The following SELP variants were observed in gnomAD, a reference collection of about 807,000 sequenced individuals.
SELP encodes P-selectin.
Under a neutral mutation model 104.1 loss-of-function variants are expected in SELP, and 92 were observed. The ratio of observed to expected loss-of-function variants is 0.88; its 90% CI spans 0.75 to 1.05. The LOEUF (loss-of-function observed/expected upper bound fraction) is 1.05. Among genes scored for constraint, SELP ranks in the 50% least tolerant of loss-of-function variants. The probability of loss-of-function intolerance (pLI) is 0.00; values close to 1 mark genes in which losing one functional copy is unlikely to be tolerated. For synonymous variants in SELP, 397 were observed against 364.5 expected, an observed-to-expected ratio of 1.09 and a Z score of -1.01; for missense variants, 1,022 against 1,017.3, an observed-to-expected ratio of 1.00 and a Z score of -0.06.
chr1:169,609,417 A>C, intron 8 of SELP, 87 bp downstream of exon 8: 1 of 1,310,438 alleles, frequency 7.6e-7, no homozygotes, highest in Non-Finnish European at 1.1e-6. Flanking sequence ...AATATCTGAT[A>C]AAGAAAGGCA....
At chr1:169,615,748 A>C (rs1662776801) in intron 3 of SELP, among the ~76,000 whole-genome samples, 1 of 152,198 alleles carries the variant, frequency 6.6e-6, no homozygotes, top group Admixed American at 6.5e-5. Flanking sequence ...TGATTATATG[A>C]TAATGCATTC....
At chr1:169,617,488 T>G in intron 2 of SELP, 74 bp from the exon 3 acceptor site, 1 of 1,410,980 alleles carries the variant, frequency 7.1e-7, no homozygotes, top group Admixed American at 2.1e-5. Flanking sequence ...AGTATGCTTC[T>G]GCATACTCAG....
chr1:169,611,374 A>T, intron 7 of SELP, 118 bp downstream of exon 7: 1 of 969,682 alleles, frequency 1.0e-6, no homozygotes. Context: ...GAGGTTGAAG[A>T]GCTTGCTCTA....
At chr1:169,610,112 A>G in intron 7 of SELP, among the ~76,000 whole-genome samples, 1 of 152,078 alleles carries the variant, frequency 6.6e-6, no homozygotes, top group Non-Finnish European at 1.5e-5. Flanking sequence ...AGTGCTCATT[A>G]AATATTGACA....
chr1:169,612,189 T>C, intron 6 of SELP, 28 bp downstream of exon 6: 1 of 1,609,580 alleles, frequency 6.2e-7, no homozygotes, highest in Non-Finnish European at 8.5e-7. Flanking sequence ...GCAATGGACA[T>C]TATACATCCC....
intron 1 of SELP, among the ~76,000 whole-genome samples, chr1:169,622,710 G>C (rs1271135775): frequency 2.0e-5 from 3 of 152,108 alleles, no homozygotes; most frequent in Admixed American, 6.5e-5. Flanking sequence ...ACTTACAGTT[G>C]TAGAAAATTG....
intron 9 of SELP, among the ~76,000 whole-genome samples, chr1:169,605,057 C>T (rs886078669): frequency 6.6e-6 from 1 of 152,152 alleles, no homozygotes; most frequent in African/African-American, 2.4e-5. Flanking sequence ...CACAGGAAGC[C>T]GTGGTGAGTG....
chr1:169,618,764 A>G (rs1046076734), intron 2 of SELP, among the ~76,000 whole-genome samples: 2 of 152,240 alleles, frequency 1.3e-5, no homozygotes, highest in Non-Finnish European at 2.9e-5. Flanking sequence ...CATATTAAAA[A>G]TTCTATTTTG....
chr1:169,594,920 G>T, intron 12 of SELP, 43 bp from the exon 13 acceptor site: 1 of 1,552,876 alleles, frequency 6.4e-7, no homozygotes, highest in Non-Finnish European at 8.8e-7. Context: ...ATGTGGATTG[G>T]AGGTGAAAGA....
At chr1:169,598,608 T>C (rs1222684574) in intron 10 of SELP, among the ~76,000 whole-genome samples, 1 of 152,200 alleles carries the variant, frequency 6.6e-6, no homozygotes. Context: ...TTGAAACATG[T>C]CTACTGGTGT....
At position 169,617,203 on chromosome 1, in the gene SELP, T is replaced by G; in HGVS notation, c.306A>C (p.Thr102=). Residue 102 remains threonine (T), a synonymous_variant, in exon 3 of 17, where the codon ACA becomes ACC. Transcript: ENST00000263686. ...TGAGAGCCTTTTTGGTTCCCACCCA[T>G]GTCCATGTCTTATTGTTCTTTCGGA... ...IGIRKNNKTW[T]WVGTKKALTN... is the part of the protein sequence containing the mutation. 6.2e-7 allele frequency: 1 copy of G among 1,614,234 alleles called. No homozygotes were observed. Among genetic ancestry groups the G allele is most frequent in the Middle Eastern group, 1.6e-4 (1 of 6,062 alleles).
Position 169,602,265 on chromosome 1 carries a change from T to A in SELP, c.1705+761A>T, listed in dbSNP as rs3917772. Among the ~76,000 whole-genome samples, 298 of 152,270 alleles carry A rather than the reference T, an allele frequency of 2.0e-3. 1 individual carries two copies. Among genetic ancestry groups the A allele is most frequent in the African/African-American group, 6.9e-3 (288 of 41,556 alleles). ...GCCTTCAAGAAGCTTATATTCAATATAGAAGTGGAGAGAGGAGGGAAGTGC... is the reference window on the plus strand; with the variant it reads ...GCCTTCAAGAAGCTTATATTCAATAAAGAAGTGGAGAGAGGAGGGAAGTGC... On this transcript the variant is annotated intron_variant, in intron 10 of 16. Transcript: ENST00000263686.
intron 12 of SELP, 60 bp downstream of exon 12, chr1:169,595,865 G>A (rs1661577216): frequency 6.7e-7 from 1 of 1,486,468 alleles, no homozygotes; most frequent in Non-Finnish European, 9.4e-7. Flanking sequence ...CAGGCACAAT[G>A]GCTAGCTTGA....
chr1:169,612,840 T>G lies in SELP; in HGVS notation c.775+89A>C, dbSNP rs537125866. 1.5e-4 allele frequency: 170 copies of G among 1,134,650 alleles called. 1 individual carries two copies. In the African/African-American group the frequency reaches 2.1e-3, roughly 14 times the overall value. 70.3% of individuals were successfully genotyped at this position (1,134,650 alleles called of 1,614,324 possible). ...ATCTAACCTAGATGGTCATTATTTC[T>G]CACATTTTTTAATGGAGAAAGCTCA... On this transcript the variant is annotated intron_variant, in intron 5 of 16. Transcript: ENST00000263686.
chr1:169,606,295 C>T (rs3917755), intron 9 of SELP, among the ~76,000 whole-genome samples: 2,070 of 152,220 alleles, frequency 0.014, 43 homozygotes, highest in African/African-American at 0.042. Flanking sequence ...CCAGCCTGGG[C>T]GACAGAGTGA....
chr1:169,619,202 G>A lies in SELP; in HGVS notation c.21C>T (p.Ala7=). ...CTCTCTGGAATCTCTGGTACAAGAT[G>A]GCTATTTGGCAGTTGGCCTGAAACA... The part of the protein sequence containing the change: MANCQI[A]ILYQRFQRVV... The change falls in exon 2 of 17, where the codon GCC becomes GCT. Residue 7 remains alanine, a synonymous_variant. Transcript: ENST00000263686. The A allele has an allele frequency of 6.2e-7, 1 of 1,613,942 alleles. No homozygotes were observed. Among genetic ancestry groups the A allele is most frequent in the South Asian group, 1.1e-5 (1 of 91,066 alleles).
chr1:169,624,754 A>G (rs1169822453), intron 1 of SELP, among the ~76,000 whole-genome samples: 5 of 152,162 alleles, frequency 3.3e-5, no homozygotes, highest in African/African-American at 4.8e-5. Flanking sequence ...CAAAACAAAC[A>G]AACAAGCAAA....
intron 12 of SELP, among the ~76,000 whole-genome samples, 184 bp from the exon 13 acceptor site, chr1:169,595,061 G>A (rs904266604): frequency 2.0e-5 from 3 of 152,116 alleles, no homozygotes; most frequent in Admixed American, 6.5e-5. Context: ...ATATTCTCTC[G>A]AAGGGTGATA....
Position 169,597,045 on chromosome 1 carries a change from T to C in SELP, c.1837A>G (p.Asn613Asp). The C allele has an allele frequency of 5.0e-6, 8 of 1,613,422 alleles. No homozygotes were observed. Among genetic ancestry groups the C allele is most frequent in the Non-Finnish European group, 6.8e-6 (8 of 1,179,622 alleles). Reference protein sequence around the residue: ...DNGFKLEGPNNVECTTSGRWS... With the variant: ...DNGFKLEGPNDVECTTSGRWS... ...CTTCCAGAAGTTGTGCATTCCACATTATTGGGCCCCTCCAGCTTAAAGCCG... is the reference window on the plus strand; with the variant it reads ...CTTCCAGAAGTTGTGCATTCCACATCATTGGGCCCCTCCAGCTTAAAGCCG... Residue 613 changes from asparagine to aspartate, a missense_variant, in exon 11 of 17, where the codon AAT (asparagine) becomes GAT (aspartate). Asn to Asp is a conservative substitution (Grantham distance 23). Transcript: ENST00000263686.
Sources: gnomAD v4.1 joint callset for allele counts (sites outside exome capture counted in the v4.1 genomes callset) on GRCh38, gnomAD v4.1.1 for gene constraint, MANE v1.5 for transcripts, NCBI Gene and HGNC (gene_info 2026-07-23, HGNC 2026-07-21) for gene names.